LPP: variants seen among roughly 807,000 people sequenced by gnomAD.
LPP encodes LIM domain containing preferred translocation partner in lipoma.
LPP carries 38 observed loss-of-function variants against 60.4 expected under a neutral mutation model. The observed-to-expected ratio is 0.63, with a 90% confidence interval of 0.49 to 0.83. The LOEUF is 0.83. LPP is among the 40% of genes least tolerant of loss of function. The pLI is 0.00. For missense variants in LPP, 902 were observed against 783.6 expected, an observed-to-expected ratio of 1.15 and a Z score of -1.80; for synonymous variants, 328 against 290.8, an observed-to-expected ratio of 1.13 and a Z score of -1.30.
chr3:188,681,892 A>T (rs1479211329), intron 7 of LPP, among the ~76,000 whole-genome samples: 1 of 152,212 alleles, frequency 6.6e-6, no homozygotes, highest in East Asian at 1.9e-4. Flanking sequence ...AGCAGCCCCA[A>T]CACTGACAAA....
chr3:188,843,807 C>G (rs916536368), intron 9 of LPP, among the ~76,000 whole-genome samples: 1 of 125,922 alleles, frequency 7.9e-6, no homozygotes, highest in African/African-American at 3.0e-5. Context: ...AATCCTTCCT[C>G]TGGGTACCTC....
At chr3:188,469,337 C>T (rs1360889915) in intron 4 of LPP, among the ~76,000 whole-genome samples, 1 of 566 alleles carries the variant, frequency 1.8e-3, no homozygotes, top group South Asian at 0.17. Flanking sequence ...GTCTGATTGC[C>T]CGGTTGTGGT....
intron 1 of LPP, among the ~76,000 whole-genome samples, chr3:188,154,687 C>T (rs1399493790): frequency 6.6e-6 from 1 of 152,206 alleles, no homozygotes; most frequent in Non-Finnish European, 1.5e-5. Context: ...TTACTAGAGG[C>T]CAGACCATAA....
chr3:188,308,526 T>C (rs1284496437), intron 2 of LPP, among the ~76,000 whole-genome samples: 1 of 152,136 alleles, frequency 6.6e-6, no homozygotes, highest in Non-Finnish European at 1.5e-5. Flanking sequence ...ATAGTGAAAA[T>C]ATTTAACAAC....
chr3:188,628,616 C>T (rs1473824056), intron 7 of LPP, among the ~76,000 whole-genome samples: 1 of 151,974 alleles, frequency 6.6e-6, no homozygotes, highest in Non-Finnish European at 1.5e-5. Flanking sequence ...AAAAACCTAC[C>T]AACCAGTAAA....
At chr3:188,268,637 C>T (rs1736488346) in intron 2 of LPP, among the ~76,000 whole-genome samples, 1 of 152,182 alleles carries the variant, frequency 6.6e-6, no homozygotes. Flanking sequence ...GAGGAGGCAG[C>T]TTTAGGCTAA....
At chr3:188,240,844 T>G in intron 2 of LPP, among the ~76,000 whole-genome samples, 1 of 152,122 alleles carries the variant, frequency 6.6e-6, no homozygotes, top group East Asian at 1.9e-4. Context: ...ACACTCTTAG[T>G]GAATGAACCT....
At chr3:188,240,648 A>T (rs1724144726) in intron 2 of LPP, among the ~76,000 whole-genome samples, 2 of 152,204 alleles carry the variant, frequency 1.3e-5, no homozygotes, top group East Asian at 1.9e-4. Flanking sequence ...AAAAAAGCGT[A>T]ATCATAACTA....
chr3:188,362,645 T>G (rs1164290470), intron 3 of LPP, among the ~76,000 whole-genome samples: 6 of 152,226 alleles, frequency 3.9e-5, no homozygotes, highest in African/African-American at 1.4e-4. Flanking sequence ...TTTCTCTTCT[T>G]CAGGCTCTGA....
At chr3:188,456,575 G>A (rs1797786423) in intron 4 of LPP, among the ~76,000 whole-genome samples, 1 of 152,226 alleles carries the variant, frequency 6.6e-6, no homozygotes, top group Admixed American at 6.5e-5. Flanking sequence ...AGGGGAGTCA[G>A]GTGAGGATTG....
intron 9 of LPP, among the ~76,000 whole-genome samples, chr3:188,814,972 A>G (rs1752068811): frequency 6.6e-6 from 1 of 152,228 alleles, no homozygotes; most frequent in African/African-American, 2.4e-5. Flanking sequence ...CAATGATAAT[A>G]TGTCTTCCTC....
chr3:188,348,331 A>G (rs1764940289), intron 3 of LPP, among the ~76,000 whole-genome samples: 1 of 152,032 alleles, frequency 6.6e-6, no homozygotes, highest in South Asian at 2.1e-4. Flanking sequence ...TATTTTTAGT[A>G]GAGACAAGGT....
At chr3:188,378,067 G>T (rs951690840) in intron 3 of LPP, among the ~76,000 whole-genome samples, 3 of 152,320 alleles carry the variant, frequency 2.0e-5, no homozygotes, top group Non-Finnish European at 4.4e-5. Flanking sequence ...TCCTCTGGAA[G>T]TTTTGTCTCA....
At chr3:188,708,514 A>T in intron 8 of LPP, 121 bp downstream of exon 8, 1 of 1,298,630 alleles carries the variant, frequency 7.7e-7, no homozygotes, top group South Asian at 1.2e-5. Flanking sequence ...ATGAGAGTTG[A>T]TATACATCCC....
chr3:188,371,639 A>AT (rs1409761562), intron 3 of LPP, among the ~76,000 whole-genome samples: 12 of 27,662 alleles, frequency 4.3e-4, no homozygotes, highest in African/African-American at 9.4e-4. Flanking sequence ...ATATATATAT[A>AT]TATTTTTTTT....
In LPP at chr3:188,888,875, G is replaced by T; in HGVS notation, c.*14396G>T. On this transcript the variant is annotated 3_prime_UTR_variant, in exon 12 of 12. Transcript: ENST00000617246. Reference sequence around the variant, plus strand: ...GCTTCTTTATATTTATATCCTACTGGATGGTAGCATATTGCTAAGGTTTCC... The same window carrying T: ...GCTTCTTTATATTTATATCCTACTGTATGGTAGCATATTGCTAAGGTTTCC... 2 of 220,224 alleles carry T rather than the reference G, an allele frequency of 9.1e-6. No individual in the cohort carries two copies. Among genetic ancestry groups the T allele is most frequent in the East Asian group, 6.6e-5 (1 of 15,098 alleles). 13.6% of individuals were successfully genotyped at this position (220,224 alleles called of 1,614,324 possible). A position where few individuals can be genotyped will look rare whatever the true frequency, so the allele number is the denominator to read the frequency against.
intron 9 of LPP, among the ~76,000 whole-genome samples, chr3:188,819,709 G>GA (rs2151430527): frequency 6.6e-6 from 1 of 152,206 alleles, no homozygotes; most frequent in African/African-American, 2.4e-5. Flanking sequence ...ATTGGAGGTG[G>GA]AAAAAATGAA....
chr3:188,599,881 TTG>T (rs1840781109), intron 6 of LPP, among the ~76,000 whole-genome samples: 1 of 151,428 alleles, frequency 6.6e-6, no homozygotes, highest in Admixed American at 6.6e-5. Context: ...CCAACTAAAA[TTG>T]TGTGATTTTT....
chr3:188,191,574 T>C (rs1728189674), intron 1 of LPP, among the ~76,000 whole-genome samples: 2 of 152,158 alleles, frequency 1.3e-5, no homozygotes, highest in Admixed American at 1.3e-4. Flanking sequence ...CTGTGGAAAC[T>C]GGAATCAAAT....
Sources: allele counts gnomAD v4.1 joint callset (sites outside exome capture counted in the v4.1 genomes callset), GRCh38; gene constraint gnomAD v4.1.1; transcripts MANE v1.5; gene names NCBI Gene and HGNC (gene_info 2026-07-23, HGNC 2026-07-21).